ITPR1: variants seen among roughly 807,000 people sequenced by gnomAD.
ITPR1 encodes the protein inositol 1,4,5-trisphosphate-gated calcium channel ITPR1.
ITPR1 carries 96 observed loss-of-function variants against 318.4 expected under a neutral mutation model. The observed-to-expected ratio is 0.30, with a 90% CI of 0.26 to 0.36. The LOEUF (loss-of-function observed/expected upper bound fraction) is 0.36. Ranked by LOEUF, ITPR1 falls within the 10% of genes least tolerant of loss-of-function variation. The pLI is 1.00. For missense variants in ITPR1, 2,440 were observed against 3,460.2 expected (o/e 0.71, Z 7.40); for synonymous variants, 1,312 against 1,289.9 (o/e 1.02, Z -0.37).
intron 56 of ITPR1, among the ~76,000 whole-genome samples, chr3:4,812,018 A>G (rs1296452234): frequency 1.3e-5 from 2 of 150,340 alleles, no homozygotes; most frequent in African/African-American, 4.9e-5. Flanking sequence ...AAGGATAACT[A>G]TAGTAGGATC....
intron 44 of ITPR1, among the ~76,000 whole-genome samples, chr3:4,759,126 G>A (rs1010851354): frequency 2.0e-5 from 3 of 152,128 alleles, no homozygotes; most frequent in Admixed American, 6.5e-5. Context: ...TGCTGTCACC[G>A]AGGTGGCCGT....
At chr3:4,825,884 G>A in intron 60 of ITPR1, 1 of 437,194 alleles carries the variant, frequency 2.3e-6, no homozygotes, top group Non-Finnish European at 4.6e-6. Context: ...GATTAGATAA[G>A]AGTAAGGACC....
chr3:4,624,389 T>C (rs979841785), intron 4 of ITPR1, among the ~76,000 whole-genome samples: 3 of 151,970 alleles, frequency 2.0e-5, no homozygotes, highest in African/African-American at 7.2e-5. Context: ...GATTAAACAG[T>C]AAGGTGCAGT....
chr3:4,684,363 C>T lies in ITPR1; in HGVS notation c.3564+17C>T, dbSNP rs1199279811. ...GTCAAAGAGGTAAGCTCCTCCCCCACCACCATTTTTCCTTTCTTTATGAAT... is the reference window on the plus strand; with the variant it reads ...GTCAAAGAGGTAAGCTCCTCCCCCATCACCATTTTTCCTTTCTTTATGAAT... On this transcript the variant is annotated intron_variant, in intron 29 of 61. Transcript: ENST00000649015. 6.3e-7 allele frequency: 1 copy of T among 1,580,558 alleles called. No individual in the cohort carries two copies. The highest frequency in any genetic ancestry group is 8.7e-7 in the Non-Finnish European group (1 of 1,151,080).
In ITPR1 at chr3:4,676,816, G is replaced by C. The variant is rs757160853; in HGVS notation, c.2967+15G>C. On this transcript the variant is annotated intron_variant, in intron 24 of 61. Coordinates refer to ENST00000649015, the MANE Select transcript of ITPR1 (RefSeq NM_001378452.1). ...AGATACTCCAGGTATCCACTAGCTG[G>C]AGCTGGGGTAGGGAGGGTATGTCAC... 31 of 1,602,558 alleles carry C rather than the reference G, an allele frequency of 1.9e-5. No homozygotes were observed. Among genetic ancestry groups the C allele is most frequent in the Non-Finnish European group, 2.6e-5 (30 of 1,172,766 alleles).
chr3:4,753,366 C>A (rs2044697554), intron 44 of ITPR1, among the ~76,000 whole-genome samples: 2 of 152,032 alleles, frequency 1.3e-5, no homozygotes, highest in African/African-American at 4.8e-5. Context: ...GCCGCCAAAG[C>A]CCTAATATAC....
intron 4 of ITPR1, among the ~76,000 whole-genome samples, chr3:4,577,901 G>C (rs946763785): frequency 6.6e-6 from 1 of 152,152 alleles, no homozygotes; most frequent in Non-Finnish European, 1.5e-5. Context: ...AGGCCATATT[G>C]GTTTCTTGTT....
intron 4 of ITPR1, among the ~76,000 whole-genome samples, chr3:4,602,553 G>T (rs1042966098): frequency 1.4e-4 from 21 of 145,130 alleles, no homozygotes; most frequent in Admixed American, 1.4e-4. Flanking sequence ...AAAAAAACTT[G>T]TACATAAACA....
chr3:4,819,159 A>G (rs540811979), intron 60 of ITPR1, among the ~76,000 whole-genome samples: 4 of 152,232 alleles, frequency 2.6e-5, no homozygotes, highest in South Asian at 4.1e-4. Context: ...GTCTGTTCAG[A>G]TAAGTATCAT....
chr3:4,776,322 G>A (rs1441455612), intron 47 of ITPR1, among the ~76,000 whole-genome samples: 4 of 152,030 alleles, frequency 2.6e-5, no homozygotes, highest in African/African-American at 4.8e-5. Context: ...CACCCACCTC[G>A]GCTTGCCAAA....
chr3:4,566,564 C>T (rs74707736), intron 4 of ITPR1, among the ~76,000 whole-genome samples: 11,750 of 148,482 alleles, frequency 0.079, 623 homozygotes, highest in Non-Finnish European at 0.11. Context: ...GGAGAAATAG[C>T]CAGGACTATT....
At chr3:4,816,329 G>A (rs2049299639) in intron 59 of ITPR1, 1 of 152,212 alleles carries the variant, frequency 6.6e-6, no homozygotes. Flanking sequence ...TTTGTCTGAT[G>A]TTTGCTCATG....
intron 4 of ITPR1, among the ~76,000 whole-genome samples, chr3:4,551,133 G>T (rs903253804): frequency 6.6e-6 from 1 of 152,190 alleles, no homozygotes; most frequent in Admixed American, 6.5e-5. Context: ...GCATCTCATA[G>T]TGGAGGTTTG....
intron 4 of ITPR1, among the ~76,000 whole-genome samples, chr3:4,535,623 A>C (rs987237296): frequency 1.3e-5 from 2 of 150,542 alleles, no homozygotes; most frequent in African/African-American, 4.9e-5. Flanking sequence ...TTTTTTGTAT[A>C]TTTAGTAGAG....
chr3:4,680,375 A>G (rs2094273855), intron 24 of ITPR1, among the ~76,000 whole-genome samples, 178 bp from the exon 25 acceptor site: 2 of 152,332 alleles, frequency 1.3e-5, no homozygotes, highest in Middle Eastern at 3.4e-3. Flanking sequence ...CATATGCCCC[A>G]TGGAAGTCTG....
chr3:4,670,950 C>G (rs1460332566), intron 20 of ITPR1, 24 bp downstream of exon 20: 2 of 1,487,664 alleles, frequency 1.3e-6, no homozygotes, highest in Non-Finnish European at 9.0e-7. Flanking sequence ...GTGTGGGGCT[C>G]AGATTGGGGT....
chr3:4,607,554 C>G (rs2091789100), intron 4 of ITPR1, among the ~76,000 whole-genome samples: 1 of 152,096 alleles, frequency 6.6e-6, no homozygotes, highest in African/African-American at 2.4e-5. Context: ...ATAGTGCTGA[C>G]TAAATGGAAG....
At chr3:4,837,317 A>T (rs540327731) in intron 61 of ITPR1, among the ~76,000 whole-genome samples, 1 of 152,212 alleles carries the variant, frequency 6.6e-6, no homozygotes, top group South Asian at 2.1e-4. Context: ...TTTGCTTCCT[A>T]GCCCTCAGAC....
intron 56 of ITPR1, among the ~76,000 whole-genome samples, chr3:4,811,723 A>C (rs1288490231): frequency 6.6e-6 from 1 of 152,180 alleles, no homozygotes; most frequent in Non-Finnish European, 1.5e-5. Flanking sequence ...CTTTTTTGTA[A>C]AGCAGTGACC....
Sources: gnomAD v4.1 joint callset for allele counts (sites outside exome capture counted in the v4.1 genomes callset) on GRCh38, gnomAD v4.1.1 for gene constraint, MANE v1.5 for transcripts, NCBI Gene and HGNC (gene_info 2026-07-23, HGNC 2026-07-21) for gene names.